Variants in PPARGC1A observed in about 807,000 individuals in gnomAD.
PPARGC1A encodes the protein PPARG coactivator 1 alpha.
A neutral mutation model predicts 88.7 loss-of-function variants in PPARGC1A; 25 were observed. That is an observed-to-expected ratio of 0.28 (90% confidence interval 0.21 to 0.39). The LOEUF is 0.39. Among genes scored for constraint, PPARGC1A ranks in the 10% least tolerant of loss-of-function variants. PPARGC1A has a pLI of 1.00. For synonymous variants in PPARGC1A, 363 were observed against 355.6 expected (o/e 1.02, Z -0.24); for missense variants, 880 against 968.7 (o/e 0.91, Z 1.22).
the PPARGC1A span, among the ~76,000 whole-genome samples, chr4:24,471,670 C>A: frequency 6.6e-6 from 1 of 152,166 alleles, no homozygotes; most frequent in Non-Finnish European, 1.5e-5. The surrounding 1 kb of genome is among the most constrained non-coding windows in gnomAD (Gnocchi z 5.4). Context: ...CCGAGTCACA[C>A]CGACACGCAC....
At chr4:24,012,152 T>C in the PPARGC1A span, among the ~76,000 whole-genome samples, 1 of 152,110 alleles carries the variant, frequency 6.6e-6, no homozygotes, top group South Asian at 2.1e-4. Context: ...GCCCAATGAA[T>C]CTTAGACACC....
At chr4:24,339,217 T>TACAC in the PPARGC1A span, among the ~76,000 whole-genome samples, 2 of 28,950 alleles carry the variant, frequency 6.9e-5, no homozygotes, top group Non-Finnish European at 9.6e-5. Context: ...TGTGTGTATA[T>TACAC]ATATATATAT....
At chr4:24,112,840 A>G in the PPARGC1A span, among the ~76,000 whole-genome samples, 1 of 152,144 alleles carries the variant, frequency 6.6e-6, no homozygotes, top group Non-Finnish European at 1.5e-5. Context: ...CTCTTGCCCT[A>G]TCACCACTTC....
the PPARGC1A span, among the ~76,000 whole-genome samples, chr4:24,195,273 G>A: frequency 6.6e-6 from 1 of 152,148 alleles, no homozygotes; most frequent in African/African-American, 2.4e-5. Context: ...CACCCATATA[G>A]CTGTGGTGAA....
At chr4:24,171,431 CT>C in the PPARGC1A span, among the ~76,000 whole-genome samples, 196 of 152,126 alleles carry the variant, frequency 1.3e-3, no homozygotes, top group South Asian at 3.1e-3. Flanking sequence ...CCGTGCCCAT[CT>C]TCATCTACAA....
intron 2 of PPARGC1A, among the ~76,000 whole-genome samples, chr4:23,856,102 T>C (rs186871652): frequency 1.2e-3 from 181 of 152,318 alleles, no homozygotes; most frequent in African/African-American, 4.1e-3. Context: ...GCAATAGTTA[T>C]AATACAAAAC....
intron 2 of PPARGC1A, among the ~76,000 whole-genome samples, chr4:23,873,906 C>T (rs1264395973): frequency 6.6e-6 from 1 of 152,158 alleles, no homozygotes; most frequent in South Asian, 2.1e-4. Context: ...ACAGCAGAAA[C>T]ACACCAGATT....
At chr4:24,017,328 AT>A in the PPARGC1A span, among the ~76,000 whole-genome samples, 1 of 152,314 alleles carries the variant, frequency 6.6e-6, no homozygotes, top group African/African-American at 2.4e-5. Flanking sequence ...CTAACACTGT[AT>A]GTGAAATTAG....
chr4:24,351,393 C>CA, the PPARGC1A span, among the ~76,000 whole-genome samples: 22,815 of 86,780 alleles, frequency 0.26, 2,046 homozygotes, highest in Middle Eastern at 0.28. Flanking sequence ...GATCCTGTCT[C>CA]AAAAAAAAAA....
the PPARGC1A span, among the ~76,000 whole-genome samples, chr4:24,288,032 C>T: frequency 0.12 from 17,835 of 152,028 alleles, 1,278 homozygotes; most frequent in Non-Finnish European, 0.15. Flanking sequence ...TTGCGGGTGC[C>T]CTCCAAGTAA....
At chr4:23,988,297 T>G in the PPARGC1A span, among the ~76,000 whole-genome samples, 2 of 152,244 alleles carry the variant, frequency 1.3e-5, no homozygotes, top group South Asian at 4.1e-4. Context: ...TTTGGGTATA[T>G]GCCCAGTAAT....
chr4:24,088,542 G>A, the PPARGC1A span, among the ~76,000 whole-genome samples: 1 of 152,128 alleles, frequency 6.6e-6, no homozygotes, highest in Admixed American at 6.5e-5. Flanking sequence ...CTGTGGGCAT[G>A]TTCCTTAACA....
intron 2 of PPARGC1A, chr4:23,881,103 G>A (rs1715839263): frequency 6.6e-6 from 1 of 152,148 alleles, no homozygotes; most frequent in Non-Finnish European, 1.5e-5. Context: ...TGCAAAAGTA[G>A]TCCTTTATTC....
At chr4:24,035,193 A>C in the PPARGC1A span, among the ~76,000 whole-genome samples, 1 of 152,136 alleles carries the variant, frequency 6.6e-6, no homozygotes, top group Non-Finnish European at 1.5e-5. Flanking sequence ...ATAGCCCATA[A>C]ATTAAATTAA....
intron 7 of PPARGC1A, among the ~76,000 whole-genome samples, chr4:23,823,438 T>G (rs952677100): frequency 8.5e-5 from 13 of 152,060 alleles, no homozygotes; most frequent in Non-Finnish European, 1.9e-4. Context: ...TATATTTTTG[T>G]GTTTTAAGCA....
the PPARGC1A span, among the ~76,000 whole-genome samples, chr4:24,123,910 C>CAAAAAAAAA: frequency 4.1e-5 from 5 of 123,430 alleles, no homozygotes; most frequent in Non-Finnish European, 5.0e-5. Flanking sequence ...TCTAAGTTGG[C>CAAAAAAAAA]AAAAAAAAAA....
the PPARGC1A span, among the ~76,000 whole-genome samples, chr4:24,318,595 A>G: frequency 6.6e-6 from 1 of 152,262 alleles, no homozygotes; most frequent in African/African-American, 2.4e-5. Flanking sequence ...GGGCATCATC[A>G]AAGTGCCAAT....
chr4:24,238,423 G>T, the PPARGC1A span, among the ~76,000 whole-genome samples: 1 of 152,096 alleles, frequency 6.6e-6, no homozygotes, highest in Non-Finnish European at 1.5e-5. Flanking sequence ...GCCAAATACA[G>T]ACAATAAGAG....
chr4:23,821,523 A>G (rs1218372764), intron 7 of PPARGC1A, among the ~76,000 whole-genome samples: 1 of 152,080 alleles, frequency 6.6e-6, no homozygotes, highest in East Asian at 1.9e-4. Flanking sequence ...CATATATGAG[A>G]TTGCCAAAGA....
Sources: gnomAD v4.1 joint callset for allele counts (sites outside exome capture counted in the v4.1 genomes callset) on GRCh38, gnomAD v4.1.1 for gene constraint, Gnocchi (gnomAD v3.1) non-coding constraint, MANE v1.5 for transcripts, NCBI Gene and HGNC (gene_info 2026-07-23, HGNC 2026-07-21) for gene names.